The following GRIK4 variants were observed in gnomAD, a reference collection of about 807,000 sequenced individuals.
GRIK4 encodes the protein glutamate ionotropic receptor kainate type subunit 4, also known as glutamate receptor ionotropic, kainate 4.
Under a neutral mutation model 104.9 loss-of-function variants are expected in GRIK4, and 40 were observed. That is an observed-to-expected ratio of 0.38 (90% CI 0.30 to 0.50). The LOEUF (loss-of-function observed/expected upper bound fraction) is 0.50, where lower values mean the gene tolerates loss of function less well. GRIK4 is among the 20% of genes least tolerant of loss of function. GRIK4 has a pLI of 0.93. For synonymous variants in GRIK4, 485 were observed against 524.9 expected (o/e 0.92, Z 1.04); for missense variants, 1,047 against 1,308.1 (o/e 0.80, Z 3.08).
intron 1 of GRIK4, among the ~76,000 whole-genome samples, chr11:120,577,861 C>T (rs1217905861): frequency 6.6e-6 from 1 of 152,142 alleles, no homozygotes; most frequent in African/African-American, 2.4e-5. Context: ...GCAGCATCTA[C>T]GCAGCCACAA....
chr11:120,695,779 A>G (rs577564019), intron 3 of GRIK4, among the ~76,000 whole-genome samples: 1 of 152,268 alleles, frequency 6.6e-6, no homozygotes, highest in South Asian at 2.1e-4. Flanking sequence ...TTGGCCCTGC[A>G]GAGGCCTGGC....
At chr11:120,878,863 G>A (rs1318451920) in intron 11 of GRIK4, among the ~76,000 whole-genome samples, 2 of 152,138 alleles carry the variant, frequency 1.3e-5, no homozygotes, top group Non-Finnish European at 2.9e-5. Context: ...TCTCTTCCAG[G>A]TGGAAGGAAT....
chr11:120,555,845 G>A lies in GRIK4; in HGVS notation c.-159+43958G>A, dbSNP rs1404504126. ...CACCAAGAATCATGGCCATGCTGGG[G>A]CCACGCGTCTTGGGAGCAACAGAAA... is the stretch of plus-strand genomic sequence containing the variant. On this transcript the variant is annotated intron_variant, in intron 1 of 20. Transcript: ENST00000527524. This position sits in a 1 kb window ranked among gnomAD's most constrained non-coding sequence, Gnocchi z 5.3. Among the ~76,000 whole-genome samples the A allele has an allele frequency of 6.6e-6, 1 of 152,102 alleles. No individual in the cohort carries two copies.
At chr11:120,679,959 C>A (rs1343736909) in intron 3 of GRIK4, among the ~76,000 whole-genome samples, 1 of 152,196 alleles carries the variant, frequency 6.6e-6, no homozygotes, top group East Asian at 1.9e-4. Flanking sequence ...CATCGCTGGG[C>A]CTTTGCTGTC....
At chr11:120,542,098 A>G (rs537375194) in intron 1 of GRIK4, among the ~76,000 whole-genome samples, 1 of 152,354 alleles carries the variant, frequency 6.6e-6, no homozygotes, top group South Asian at 2.1e-4. Flanking sequence ...TGGTACTGGC[A>G]TAAAAACACA....
intron 14 of GRIK4, among the ~76,000 whole-genome samples, chr11:120,941,642 A>G (rs1271292036): frequency 6.6e-6 from 1 of 152,176 alleles, no homozygotes; most frequent in Non-Finnish European, 1.5e-5. Flanking sequence ...ACGTCCTTAT[A>G]AAAAGAAGGG....
At chr11:120,832,448 T>C (rs952576891) in intron 7 of GRIK4, among the ~76,000 whole-genome samples, 2 of 152,196 alleles carry the variant, frequency 1.3e-5, no homozygotes, top group African/African-American at 4.8e-5. Flanking sequence ...GAATGCCAGC[T>C]CTGTCTTTAG....
chr11:120,720,911 AAG>A (rs1950921415), intron 3 of GRIK4, among the ~76,000 whole-genome samples: 1 of 152,116 alleles, frequency 6.6e-6, no homozygotes, highest in Admixed American at 6.5e-5. Context: ...GCAAAGACAG[AAG>A]AGAGAGGGAC....
intron 3 of GRIK4, among the ~76,000 whole-genome samples, chr11:120,733,467 CT>C (rs1951172955): frequency 6.6e-6 from 1 of 151,106 alleles, no homozygotes; most frequent in African/African-American, 2.4e-5. Context: ...TAATTTCTTG[CT>C]TTTTATTTTT....
At chr11:120,569,367 G>C (rs963449861) in intron 1 of GRIK4, among the ~76,000 whole-genome samples, 1 of 152,092 alleles carries the variant, frequency 6.6e-6, no homozygotes, top group African/African-American at 2.4e-5. Flanking sequence ...CATTCATAAG[G>C]GACTTTCTAG....
At chr11:120,875,468 G>A (rs1442039516) in intron 11 of GRIK4, among the ~76,000 whole-genome samples, 1 of 152,130 alleles carries the variant, frequency 6.6e-6, no homozygotes, top group Non-Finnish European at 1.5e-5. Flanking sequence ...GGAGAGAACT[G>A]GGGTGAAAGG....
At chr11:120,926,071 G>A (rs935608516) in intron 13 of GRIK4, among the ~76,000 whole-genome samples, 5 of 152,050 alleles carry the variant, frequency 3.3e-5, no homozygotes, top group Admixed American at 6.5e-5. Context: ...TTCTTGATTC[G>A]ACATGTAAAT....
intron 3 of GRIK4, among the ~76,000 whole-genome samples, chr11:120,675,865 A>G (rs1216561286): frequency 6.6e-6 from 1 of 152,196 alleles, no homozygotes; most frequent in Non-Finnish European, 1.5e-5. Flanking sequence ...CATAATTATT[A>G]TTACTGTAGT....
chr11:120,691,807 C>G (rs1286188099), intron 3 of GRIK4, among the ~76,000 whole-genome samples: 2 of 152,208 alleles, frequency 1.3e-5, no homozygotes, highest in African/African-American at 4.8e-5. Flanking sequence ...CAGTGGGGCT[C>G]ATGTGCCTGC....
chr11:120,577,768 C>T (rs556874778), intron 1 of GRIK4, among the ~76,000 whole-genome samples: 16 of 152,180 alleles, frequency 1.1e-4, no homozygotes, highest in Non-Finnish European at 2.2e-4. Flanking sequence ...AGAGTATCTG[C>T]TGGACAGAGC....
At chr11:120,571,738 A>G (rs993448874) in intron 1 of GRIK4, among the ~76,000 whole-genome samples, 5 of 151,628 alleles carry the variant, frequency 3.3e-5, no homozygotes, top group Admixed American at 6.6e-5. Flanking sequence ...TGTCTTTCTG[A>G]CACCCTGCAC....
intron 3 of GRIK4, among the ~76,000 whole-genome samples, chr11:120,693,414 A>G (rs1950397294): frequency 6.6e-6 from 1 of 152,178 alleles, no homozygotes. Flanking sequence ...GGCAATTTAT[A>G]TTTTAGATAC....
intron 6 of GRIK4, among the ~76,000 whole-genome samples, chr11:120,822,009 A>G (rs1163026674): frequency 6.6e-6 from 1 of 152,104 alleles, no homozygotes; most frequent in Non-Finnish European, 1.5e-5. Context: ...CAGGAGTTTG[A>G]GACCAGTCTG....
At chr11:120,672,049 C>A (rs746395525) in intron 3 of GRIK4, among the ~76,000 whole-genome samples, 1 of 152,144 alleles carries the variant, frequency 6.6e-6, no homozygotes, top group African/African-American at 2.4e-5. Context: ...AGTTTGAAGT[C>A]ACATAGTGTG....
Sources: allele counts gnomAD v4.1 joint callset (sites outside exome capture counted in the v4.1 genomes callset), GRCh38; gene constraint gnomAD v4.1.1; non-coding constraint Gnocchi (gnomAD v3.1); transcripts MANE v1.5; gene names NCBI Gene and HGNC (gene_info 2026-07-23, HGNC 2026-07-21).